The following SERPIND1 variants were observed in gnomAD, a reference collection of about 807,000 sequenced individuals.
SERPIND1 encodes heparin cofactor 2.
A neutral mutation model predicts 35.0 loss-of-function variants in SERPIND1; 34 were observed. The observed-to-expected ratio is 0.97, with a 90% CI of 0.74 to 1.29. SERPIND1 has a LOEUF of 1.29. SERPIND1 is among the 50% of genes most tolerant of loss of function. The pLI, the probability that SERPIND1 is intolerant of heterozygous loss-of-function variation, is 0.00. For synonymous variants in SERPIND1, 236 were observed against 241.1 expected (o/e 0.98, Z 0.19); for missense variants, 633 against 637.7 (o/e 0.99, Z 0.08).
At chr22:20,779,163 C>T in intron 1 of SERPIND1, 134 bp from the exon 2 acceptor site, 1 of 1,546,014 alleles carries the variant, frequency 6.5e-7, no homozygotes, top group Non-Finnish European at 8.7e-7. Context: ...AGTCCATGAT[C>T]CTAAAACAGT....
Position 20,787,150 on chromosome 22 carries a change from C to T in SERPIND1, c.*84C>T. On this transcript the variant is annotated 3_prime_UTR_variant, in exon 5 of 5. Coordinates refer to ENST00000215727, the MANE Select transcript of SERPIND1 (RefSeq NM_000185.4). Reference sequence around the variant, plus strand: ...AACAACGAGAACAGAGATGTTCTGGCATCATTTACGTAGTTTACGCTACCA... The same window carrying T: ...AACAACGAGAACAGAGATGTTCTGGTATCATTTACGTAGTTTACGCTACCA... 1 of 1,263,876 alleles carries T rather than the reference C, an allele frequency of 7.9e-7. No individual in the cohort carries two copies. 78.3% of individuals were successfully genotyped at this position (1,263,876 alleles called of 1,614,324 possible).
At chr22:20,780,314 G>C in intron 2 of SERPIND1, 113 bp downstream of exon 2, 1 of 1,515,150 alleles carries the variant, frequency 6.6e-7, no homozygotes, top group Non-Finnish European at 9.1e-7. Context: ...AGGAAAACTA[G>C]ACACAAGATT....
intron 4 of SERPIND1, 67 bp downstream of exon 4, chr22:20,786,215 T>A: frequency 6.4e-7 from 1 of 1,561,832 alleles, no homozygotes; most frequent in Non-Finnish European, 8.8e-7. Context: ...CCACCTCCAC[T>A]TGCCCTTCCT....
intron 2 of SERPIND1, 99 bp downstream of exon 2, chr22:20,780,300 A>G (rs1601478686): frequency 6.4e-7 from 1 of 1,565,304 alleles, no homozygotes; most frequent in Non-Finnish European, 8.8e-7. Context: ...GCTATAATTT[A>G]TCCAGGAAAA....
intron 1 of SERPIND1, 183 bp from the exon 2 acceptor site, chr22:20,779,114 A>T (rs1025187062): frequency 1.4e-6 from 2 of 1,403,098 alleles, no homozygotes; most frequent in African/African-American, 2.9e-5. Context: ...TGAGTCCCAC[A>T]TCAAAGGTTG....
chr22:20,784,738 A>G (rs1021647872), intron 3 of SERPIND1, among the ~76,000 whole-genome samples: 1 of 152,134 alleles, frequency 6.6e-6, no homozygotes, highest in Non-Finnish European at 1.5e-5. Flanking sequence ...CTCTATTATT[A>G]TTCGTTACTT....
At position 20,779,779 on chromosome 22, in the gene SERPIND1, T is replaced by C. The variant is rs116401176; in HGVS notation, c.467T>C (p.Val156Ala). ...NTFDNIFIAP[V>A]GISTAMGMIS... ...TTCGATAACATCTTCATAGCACCCG[T>C]TGGCATTTCTACTGCGATGGGTATG... The change falls in exon 2 of 5, where the codon GTT becomes GCT. Residue 156 changes from valine (V) to alanine (A), a missense_variant. Coordinates refer to ENST00000215727, the MANE Select transcript of SERPIND1 (RefSeq NM_000185.4). 3,867 of 1,614,220 alleles carry C rather than the reference T, an allele frequency of 2.4e-3. 53 individuals are homozygous for C. The African/African-American group carries it at 0.037, about 16-fold the overall frequency.
At chr22:20,781,472 A>AC (rs947305834) in intron 2 of SERPIND1, among the ~76,000 whole-genome samples, 153 of 151,680 alleles carry the variant, frequency 1.0e-3, no homozygotes, top group African/African-American at 1.9e-3. Context: ...AAGGAAGGAG[A>AC]CCCCCCCCAG....
Position 20,776,504 on chromosome 22 carries a change from G to A in SERPIND1, c.-17+2359G>A, listed in dbSNP as rs1401534830. Among the ~76,000 whole-genome samples, 4 of 152,292 alleles carry A rather than the reference G, an allele frequency of 2.6e-5. No individual in the cohort carries two copies. The East Asian group carries it at 7.7e-4, about 29-fold the overall frequency. Reference sequence around the variant, plus strand: ...TGCAATTCAAAAGTCTTTCTTAGTTGTGACTAAAACAAACTTTGAACTTAC... The same window carrying A: ...TGCAATTCAAAAGTCTTTCTTAGTTATGACTAAAACAAACTTTGAACTTAC... On this transcript the variant is annotated intron_variant, in intron 1 of 4. Coordinates refer to ENST00000215727, the MANE Select transcript of SERPIND1 (RefSeq NM_000185.4).
chr22:20,780,178 T>G lies in SERPIND1; in HGVS notation c.866T>G (p.Ile289Ser). ...ENIDPATQMMILNCIYFKGSW... is the reference protein window; with the variant it reads ...ENIDPATQMMSLNCIYFKGSW... Reference sequence around the variant, plus strand: ...ATAGACCCTGCTACCCAGATGATGATTCTCAACTGCATCTACTTCAAAGGT... The same window carrying G: ...ATAGACCCTGCTACCCAGATGATGAGTCTCAACTGCATCTACTTCAAAGGT... The change falls in exon 2 of 5, where the codon ATT becomes AGT. Residue 289 changes from isoleucine (I) to serine (S), a missense_variant. Coordinates refer to ENST00000215727, the MANE Select transcript of SERPIND1 (RefSeq NM_000185.4). The G allele has an allele frequency of 4.3e-6, 7 of 1,614,216 alleles. No individual in the cohort carries two copies. The highest frequency in any genetic ancestry group is 5.9e-6 in the Non-Finnish European group (7 of 1,180,028).
At chr22:20,785,906 G>A in intron 3 of SERPIND1, 98 bp from the exon 4 acceptor site, 1 of 1,517,534 alleles carries the variant, frequency 6.6e-7, no homozygotes, top group Non-Finnish European at 9.1e-7. Context: ...TATCAATTCT[G>A]TGATAAATAT....
chr22:20,785,541 A>G (rs1934150153), intron 3 of SERPIND1, among the ~76,000 whole-genome samples: 1 of 152,196 alleles, frequency 6.6e-6, no homozygotes, highest in Non-Finnish European at 1.5e-5. Context: ...CCGCCCCCTT[A>G]GGGATTGAGT....
At chr22:20,779,079 C>A in intron 1 of SERPIND1, 1 of 1,063,154 alleles carries the variant, frequency 9.4e-7, no homozygotes, top group Non-Finnish European at 1.3e-6. Flanking sequence ...CATCAAGGGG[C>A]CCACAGATCC....
chr22:20,784,326 T>C, intron 3 of SERPIND1, 81 bp downstream of exon 3: 1 of 1,582,996 alleles, frequency 6.3e-7, no homozygotes. Flanking sequence ...GATCATTTTT[T>C]TAAAAAGGGA....
chr22:20,785,988 T>C lies in SERPIND1; in HGVS notation c.1164-16T>C, dbSNP rs1162941892. Reference sequence around the variant, plus strand: ...TGGTTCAATAAAACTGGGCCCCCCTTTCCTTTTCTGTCTAGAACTCGAGAA... The same window carrying C: ...TGGTTCAATAAAACTGGGCCCCCCTCTCCTTTTCTGTCTAGAACTCGAGAA... On this transcript the variant is annotated splice_polypyrimidine_tract_variant and intron_variant, in intron 3 of 4. Transcript: ENST00000215727. The C allele has an allele frequency of 6.2e-7, 1 of 1,614,146 alleles. No individual in the cohort carries two copies. The highest frequency in any genetic ancestry group is 8.5e-7 in the Non-Finnish European group (1 of 1,180,016).
chr22:20,780,094 A>G lies in SERPIND1; in HGVS notation c.782A>G (p.Lys261Arg). 6.2e-7 allele frequency: 1 copy of G among 1,614,160 alleles called. No homozygotes were observed. The highest frequency in any genetic ancestry group is 8.5e-7 in the Non-Finnish European group (1 of 1,180,022). Residue 261 changes from lysine (K) to arginine (R), a missense_variant, in exon 2 of 5, where the codon AAA becomes AGA. Transcript: ENST00000215727. ...TTCTCAGACCCTGCCTTCATATCAA[A>G]AACCAACAACCACATCATGAAGCTC... ...ADFSDPAFISKTNNHIMKLTK... is the reference protein window; with the variant it reads ...ADFSDPAFISRTNNHIMKLTK...
Position 20,780,006 on chromosome 22 carries a change from A to G in SERPIND1, c.694A>G (p.Ile232Val). The change falls in exon 2 of 5, where the codon ATC becomes GTC. Residue 232 changes from isoleucine (I) to valine (V), a missense_variant. Ile to Val is a conservative substitution (Grantham distance 29). Coordinates refer to ENST00000215727, the MANE Select transcript of SERPIND1 (RefSeq NM_000185.4). The part of the protein sequence containing the change: ...NDLYIQKQFP[I>V]LLDFKTKVRE... ...CCTTTATATCCAGAAGCAGTTTCCA[A>G]TCCTGCTTGACTTCAAAACTAAAGT... 1.2e-6 allele frequency: 2 copies of G among 1,614,150 alleles called. No homozygotes were observed. Among genetic ancestry groups the G allele is most frequent in the Non-Finnish European group, 1.7e-6 (2 of 1,180,032 alleles).
rs35646566 is a variant in SERPIND1, at chr22:20,779,735, G to A, written c.423G>A (p.Leu141=). 41,159 of 1,614,204 alleles carry A rather than the reference G, an allele frequency of 0.025. 610 individuals are homozygous for A. Among genetic ancestry groups the A allele is most frequent in the Middle Eastern group, 0.03 (184 of 6,062 alleles). ...AKFAFNLYRV[L]KDQVNTFDNI... is the part of the protein sequence containing the mutation. Reference sequence around the variant, plus strand: ...TCGCTTTCAACCTCTACCGAGTGCTGAAAGACCAGGTCAACACTTTCGATA... The same window carrying A: ...TCGCTTTCAACCTCTACCGAGTGCTAAAAGACCAGGTCAACACTTTCGATA... The change falls in exon 2 of 5, where the codon CTG becomes CTA. Residue 141 remains leucine, a synonymous_variant. Transcript: ENST00000215727.
Position 20,784,258 on chromosome 22 carries a change from G to A in SERPIND1, c.1163+13G>A, listed in dbSNP as rs1466081135. 2 of 1,613,934 alleles carry A rather than the reference G, an allele frequency of 1.2e-6. No individual in the cohort carries two copies. Among genetic ancestry groups the A allele is most frequent in the Non-Finnish European group, 1.7e-6 (2 of 1,179,962 alleles). ...GCATGACAAACAGGTATTTCACACTGTGTGTTTGTTCTTTTGAGCTCCCAG... is the reference window on the plus strand; with the variant it reads ...GCATGACAAACAGGTATTTCACACTATGTGTTTGTTCTTTTGAGCTCCCAG... On this transcript the variant is annotated intron_variant, in intron 3 of 4. Coordinates refer to ENST00000215727, the MANE Select transcript of SERPIND1 (RefSeq NM_000185.4).
Sources: gnomAD v4.1 joint callset for allele counts (sites outside exome capture counted in the v4.1 genomes callset) on GRCh38, gnomAD v4.1.1 for gene constraint, MANE v1.5 for transcripts, NCBI Gene and HGNC (gene_info 2026-07-23, HGNC 2026-07-21) for gene names.